The following FNBP1 variants were observed in gnomAD, a reference collection of about 807,000 sequenced individuals.
FNBP1 encodes the protein formin-binding protein 1.
Under a neutral mutation model 90.6 loss-of-function variants are expected in FNBP1, and 26 were observed. That is an observed-to-expected ratio of 0.29 (90% CI 0.21 to 0.40). FNBP1 has a LOEUF of 0.40. FNBP1 is among the 10% of genes least tolerant of loss of function. The pLI is 1.00. For missense variants in FNBP1, 635 were observed against 768.0 expected (o/e 0.83, Z 2.05); for synonymous variants, 260 against 265.2 (o/e 0.98, Z 0.19).
At position 130,042,983 on chromosome 9, in the gene FNBP1, G is replaced by A. The variant is rs938934576; in HGVS notation, c.-8C>T. The A allele has an allele frequency of 1.6e-6, 2 of 1,225,548 alleles. No individual in the cohort carries two copies. The highest frequency in any genetic ancestry group is 4.3e-5 in the Admixed American group (1 of 23,442). The allele number at this position is 1,225,548 out of a possible 1,614,324, so 75.9% of individuals were successfully genotyped here. A position where few individuals can be genotyped will look rare whatever the true frequency, so the allele number is the denominator to read the frequency against. On this transcript the variant is annotated 5_prime_UTR_variant, in exon 1 of 17. Coordinates refer to ENST00000446176, the MANE Select transcript of FNBP1 (RefSeq NM_015033.3). The surrounding 1 kb of genome is among the most constrained non-coding windows in gnomAD (Gnocchi z 5.5). ...CTCGGTGCCCCAGCTCATGGTGCAGGGGACGCGAAGGGGCGCTCCGCGCGG... is the reference window on the plus strand; with the variant it reads ...CTCGGTGCCCCAGCTCATGGTGCAGAGGACGCGAAGGGGCGCTCCGCGCGG...
chr9:129,904,662 A>T (rs949595719), intron 12 of FNBP1, among the ~76,000 whole-genome samples: 1 of 152,222 alleles, frequency 6.6e-6, no homozygotes, highest in Non-Finnish European at 1.5e-5. Context: ...TTGGACTTCC[A>T]GCCGCTTTAT....
chr9:130,013,620 T>G (rs2056891618), intron 1 of FNBP1: 1 of 441,208 alleles, frequency 2.3e-6, no homozygotes, highest in South Asian at 1.6e-5. Flanking sequence ...CTCTTGCTCA[T>G]GTGCACCAAG....
At chr9:129,926,169 A>G (rs192537107) in intron 8 of FNBP1, among the ~76,000 whole-genome samples, 1,948 of 148,504 alleles carry the variant, frequency 0.013, 17 homozygotes, top group Middle Eastern at 0.027. Flanking sequence ...ATGTGGTTTC[A>G]CCATGTTGGC....
chr9:129,890,550 CA>C lies in FNBP1; in HGVS notation c.1847-5del. ...GCAGGCACTCCCCTCTAGGAATCTACAACACAAAGAGAAACAGAAAGAGAAA... is the reference window on the plus strand; with the variant it reads ...GCAGGCACTCCCCTCTAGGAATCTACACACAAAGAGAAACAGAAAGAGAAA... On this transcript the variant is annotated splice_polypyrimidine_tract_variant and splice_region_variant and intron_variant, in intron 16 of 16. Coordinates refer to ENST00000446176, the MANE Select transcript of FNBP1 (RefSeq NM_015033.3). This position sits in a 1 kb window ranked among gnomAD's most constrained non-coding sequence, Gnocchi z 5.8. The C allele has an allele frequency of 1.3e-6, 2 of 1,583,950 alleles. No individual in the cohort carries two copies. Among genetic ancestry groups the C allele is most frequent in the Non-Finnish European group, 1.7e-6 (2 of 1,165,850 alleles).
intron 1 of FNBP1, among the ~76,000 whole-genome samples, chr9:130,019,628 T>G (rs187229835): frequency 6.6e-6 from 1 of 152,314 alleles, no homozygotes; most frequent in Non-Finnish European, 1.5e-5. Flanking sequence ...TGGAAAGAAA[T>G]AAATGATAAC....
intron 4 of FNBP1, among the ~76,000 whole-genome samples, chr9:129,973,833 C>T (rs1411654750): frequency 2.1e-5 from 3 of 142,716 alleles, no homozygotes; most frequent in Non-Finnish European, 4.6e-5. Context: ...TTTTTTGAGA[C>T]AGGGTCTCAC....
intron 1 of FNBP1, among the ~76,000 whole-genome samples, chr9:130,010,042 G>A (rs2056343253): frequency 6.6e-6 from 1 of 151,396 alleles, no homozygotes; most frequent in African/African-American, 2.4e-5. Context: ...CCAAATTAGT[G>A]GAAAAAACGC....
intron 1 of FNBP1, among the ~76,000 whole-genome samples, chr9:130,021,438 T>C (rs2057814982): frequency 6.6e-6 from 1 of 152,264 alleles, no homozygotes; most frequent in Non-Finnish European, 1.5e-5. Context: ...TACTTCAGCT[T>C]ACTTCTCCCA....
intron 1 of FNBP1, among the ~76,000 whole-genome samples, chr9:129,997,914 C>T (rs148693801): frequency 1.9e-3 from 290 of 152,114 alleles, no homozygotes; most frequent in Non-Finnish European, 2.8e-3. Context: ...CAGCTGGGCG[C>T]GGTGGCTCAC....
rs552645500 is a variant in FNBP1, at chr9:129,900,475, C to G, written c.1501G>C (p.Asp501His). ...EQARRQSGLYDSQNPPTVNNC... is the reference protein window; with the variant it reads ...EQARRQSGLYHSQNPPTVNNC... ...TTGACTGTGGGTGGGTTCTGGCTGTCGTACAGTCCGCTCTGCCGGCGCGCC... is the reference window on the plus strand; with the variant it reads ...TTGACTGTGGGTGGGTTCTGGCTGTGGTACAGTCCGCTCTGCCGGCGCGCC... Residue 501 changes from aspartate to histidine, a missense_variant, in exon 14 of 17, where the codon GAC (aspartate) becomes CAC (histidine). Transcript: ENST00000446176. The surrounding 1 kb of genome is among the most constrained non-coding windows in gnomAD (Gnocchi z 4.1). 1.2e-6 allele frequency: 2 copies of G among 1,605,300 alleles called. No individual in the cohort carries two copies. Among genetic ancestry groups the G allele is most frequent in the South Asian group, 2.2e-5 (2 of 89,528 alleles).
intron 12 of FNBP1, among the ~76,000 whole-genome samples, chr9:129,904,131 C>A (rs957271927): frequency 2.0e-5 from 3 of 152,348 alleles, no homozygotes; most frequent in Non-Finnish European, 2.9e-5. Context: ...CTGGGTCTCA[C>A]GGGCTGCATG....
chr9:129,948,947 AT>A lies in FNBP1; in HGVS notation c.513+8412del, dbSNP rs199990553. ...ATACTTTATCTCGGTGTTTTAATTA[AT>A]TTTTTTTTACAAGAGTAAGATGCGG... On this transcript the variant is annotated intron_variant, in intron 6 of 16. Coordinates refer to ENST00000446176, the MANE Select transcript of FNBP1 (RefSeq NM_015033.3). Among the ~76,000 whole-genome samples the A allele has an allele frequency of 6.2e-3, 944 of 151,216 alleles. 7 individuals are homozygous for A. The highest frequency in any genetic ancestry group is 0.02 in the Middle Eastern group (6 of 294).
intron 7 of FNBP1, among the ~76,000 whole-genome samples, chr9:129,928,265 A>G (rs1267656130): frequency 6.6e-6 from 1 of 152,260 alleles, no homozygotes; most frequent in Non-Finnish European, 1.5e-5. Flanking sequence ...TTTAAATCCT[A>G]TAACTCTATG....
At chr9:129,918,477 G>A (rs183435257) in intron 10 of FNBP1, among the ~76,000 whole-genome samples, 3 of 152,326 alleles carry the variant, frequency 2.0e-5, no homozygotes, top group Admixed American at 2.0e-4. Context: ...AGCCACAAGC[G>A]TCAATAACAC....
intron 1 of FNBP1, among the ~76,000 whole-genome samples, chr9:129,997,807 C>T (rs1206593273): frequency 2.0e-5 from 3 of 152,162 alleles, no homozygotes; most frequent in Non-Finnish European, 4.4e-5. Flanking sequence ...CATGATCAGG[C>T]TACTGCACTC....
intron 1 of FNBP1, among the ~76,000 whole-genome samples, chr9:130,023,727 C>T (rs928345169): frequency 1.1e-4 from 17 of 152,070 alleles, no homozygotes; most frequent in African/African-American, 2.9e-4. Context: ...AGTACCCTCT[C>T]GGTGATGCCT....
Position 129,891,529 on chromosome 9 carries a change from C to T in FNBP1, c.1847-983G>A, listed in dbSNP as rs146223871. Reference sequence around the variant, plus strand: ...AGAATGGTACAAGGAACATGAAGGTCCAATTCTCTCAGAAGGAAACTCTTG... The same window carrying T: ...AGAATGGTACAAGGAACATGAAGGTTCAATTCTCTCAGAAGGAAACTCTTG... On this transcript the variant is annotated intron_variant, in intron 16 of 16. Coordinates refer to ENST00000446176, the MANE Select transcript of FNBP1 (RefSeq NM_015033.3). 7.2e-5 allele frequency among the ~76,000 whole-genome samples: 11 copies of T among 152,246 alleles called. No homozygotes were observed. In the East Asian group the frequency reaches 2.1e-3, roughly 29 times the overall value.
chr9:129,908,378 C>CTT (rs530113400), intron 12 of FNBP1, among the ~76,000 whole-genome samples: 1,652 of 132,478 alleles, frequency 0.012, 16 homozygotes, highest in Middle Eastern at 0.028. Context: ...TAGTTTTTTT[C>CTT]TTTTTTTTTT....
chr9:130,028,299 A>G (rs1415007523), intron 1 of FNBP1, among the ~76,000 whole-genome samples: 1 of 152,248 alleles, frequency 6.6e-6, no homozygotes. Flanking sequence ...GTTAAACGAT[A>G]TCAGGTACAA....
Sources: allele counts gnomAD v4.1 joint callset (sites outside exome capture counted in the v4.1 genomes callset), GRCh38; gene constraint gnomAD v4.1.1; non-coding constraint Gnocchi (gnomAD v3.1); transcripts MANE v1.5; gene names NCBI Gene and HGNC (gene_info 2026-07-23, HGNC 2026-07-21).